LSAMP: variants seen among roughly 807,000 people sequenced by gnomAD.
The protein encoded by LSAMP is limbic system associated membrane protein, also known as limbic system-associated membrane protein.
A neutral mutation model predicts 38.6 loss-of-function variants in LSAMP; 7 were observed. The observed-to-expected ratio is 0.18, with a 90% CI of 0.10 to 0.34. The LOEUF (loss-of-function observed/expected upper bound fraction) is 0.34. LSAMP is among the 10% of genes least tolerant of loss of function. The pLI, the probability that LSAMP is intolerant of heterozygous loss-of-function variation, is 1.00. For synonymous variants in LSAMP, 154 were observed against 166.8 expected (o/e 0.92, Z 0.59); for missense variants, 313 against 420.0 (o/e 0.75, Z 2.23).
intron 3 of LSAMP, among the ~76,000 whole-genome samples, chr3:115,957,348 T>G (rs1366969848): frequency 6.6e-6 from 1 of 152,204 alleles, no homozygotes. Context: ...TCGGAAACTC[T>G]TATAAGCACG....
At chr3:116,226,793 T>G (rs2046346885) in intron 1 of LSAMP, among the ~76,000 whole-genome samples, 1 of 152,146 alleles carries the variant, frequency 6.6e-6, no homozygotes, top group Admixed American at 6.5e-5. Flanking sequence ...TAACAGGAAG[T>G]CTACCTCTTC....
intron 1 of LSAMP, among the ~76,000 whole-genome samples, chr3:116,376,452 A>T (rs2048494359): frequency 6.6e-6 from 1 of 152,052 alleles, no homozygotes; most frequent in Non-Finnish European, 1.5e-5. Context: ...TTATATCAGG[A>T]GATTGCAGTG....
chr3:116,186,630 G>A (rs1710624735), intron 1 of LSAMP, among the ~76,000 whole-genome samples: 1 of 152,102 alleles, frequency 6.6e-6, no homozygotes, highest in African/African-American at 2.4e-5. Context: ...AGAAAACCAA[G>A]CTTCAAGGAC....
rs868840149 is a variant in LSAMP at position 116,314,193 on chromosome 3, C to T, written c.155+130684G>A. On this transcript the variant is annotated intron_variant, in intron 1 of 6. Transcript: ENST00000490035. ...CCCAATGTATTTAAGAACTCAGGCTCCAGAAATAGATTGAGTCCAACATCT... is the reference window on the plus strand; with the variant it reads ...CCCAATGTATTTAAGAACTCAGGCTTCAGAAATAGATTGAGTCCAACATCT... 3.3e-5 allele frequency among the ~76,000 whole-genome samples: 5 copies of T among 152,142 alleles called. No individual in the cohort carries two copies. The East Asian group carries it at 7.7e-4, about 23-fold the overall frequency.
intron 1 of LSAMP, among the ~76,000 whole-genome samples, chr3:116,256,007 C>T (rs997559013): frequency 3.9e-5 from 6 of 152,018 alleles, no homozygotes; most frequent in Non-Finnish European, 1.5e-5. Context: ...TTTCCTTTTC[C>T]TTGCTGATCC....
intron 3 of LSAMP, among the ~76,000 whole-genome samples, chr3:115,899,260 C>T (rs1936809285): frequency 6.6e-6 from 1 of 152,042 alleles, no homozygotes; most frequent in South Asian, 2.1e-4. Flanking sequence ...AGGTACAAAG[C>T]ATGTGTCTCT....
intron 1 of LSAMP, among the ~76,000 whole-genome samples, chr3:116,139,315 T>G (rs774139472): frequency 2.0e-5 from 3 of 151,968 alleles, no homozygotes; most frequent in Non-Finnish European, 4.4e-5. Context: ...TCAGAAGCTT[T>G]TAAGACCACA....
Position 116,105,938 on chromosome 3 carries a change from C to G in LSAMP, c.156-19382G>C, listed in dbSNP as rs4404443. ...GCGGGATTAGGGGCGGCGTGGGAACCTAGAGTGGGAGAGATTAAGCTGAAG... is the reference window on the plus strand; with the variant it reads ...GCGGGATTAGGGGCGGCGTGGGAACGTAGAGTGGGAGAGATTAAGCTGAAG... On this transcript the variant is annotated intron_variant, in intron 1 of 6. Transcript: ENST00000490035. Among the ~76,000 whole-genome samples, 1,512 of 151,308 alleles carry G rather than the reference C, an allele frequency of 1.0e-2. 19 individuals are homozygous for G. Among genetic ancestry groups the G allele is most frequent in the African/African-American group, 0.033 (1,360 of 40,988 alleles).
intron 1 of LSAMP, among the ~76,000 whole-genome samples, chr3:116,237,049 A>G (rs2046473671): frequency 6.6e-6 from 1 of 152,018 alleles, no homozygotes; most frequent in South Asian, 2.1e-4. Context: ...TTTGTAAGGT[A>G]AAATTGAAGA....
chr3:116,409,132 G>A (rs1320062110), intron 1 of LSAMP, among the ~76,000 whole-genome samples: 2 of 151,896 alleles, frequency 1.3e-5, no homozygotes, highest in African/African-American at 2.4e-5. Context: ...AATGAGAGAG[G>A]GTTATCATTG....
At chr3:116,397,631 T>C (rs183099988) in intron 1 of LSAMP, among the ~76,000 whole-genome samples, 1 of 152,162 alleles carries the variant, frequency 6.6e-6, no homozygotes, top group Admixed American at 6.5e-5. Context: ...TGCTCAATAA[T>C]TATTTCAACG....
At chr3:116,395,752 A>G (rs1438307032) in intron 1 of LSAMP, among the ~76,000 whole-genome samples, 1 of 152,086 alleles carries the variant, frequency 6.6e-6, no homozygotes, top group African/African-American at 2.4e-5. Context: ...AAGTATTTCA[A>G]CCTCTTTGGT....
At chr3:116,169,806 A>C (rs996750534) in intron 1 of LSAMP, among the ~76,000 whole-genome samples, 2 of 152,126 alleles carry the variant, frequency 1.3e-5, no homozygotes, top group Admixed American at 6.6e-5. Flanking sequence ...TTTTCTCGCC[A>C]CTCATGCTGT....
At chr3:115,972,983 C>A (rs965847662) in intron 3 of LSAMP, among the ~76,000 whole-genome samples, 1 of 151,610 alleles carries the variant, frequency 6.6e-6, no homozygotes, top group African/African-American at 2.4e-5. Flanking sequence ...ACATTACTGG[C>A]AAAAACAGTG....
At chr3:115,873,904 G>A (rs1936113494) in intron 3 of LSAMP, among the ~76,000 whole-genome samples, 2 of 152,036 alleles carry the variant, frequency 1.3e-5, no homozygotes, top group Non-Finnish European at 2.9e-5. Context: ...ATCACCCCAG[G>A]ATTTGACCTT....
intron 1 of LSAMP, among the ~76,000 whole-genome samples, chr3:116,378,933 G>A (rs185456286): frequency 6.6e-5 from 10 of 150,992 alleles, no homozygotes; most frequent in Admixed American, 4.6e-4. Context: ...CAGAAGTAAT[G>A]CATGTCCCAG....
At chr3:115,870,573 TCTAGG>T (rs1936004462) in intron 3 of LSAMP, among the ~76,000 whole-genome samples, 1 of 152,168 alleles carries the variant, frequency 6.6e-6, no homozygotes, top group Non-Finnish European at 1.5e-5. Flanking sequence ...ATCCATTATG[TCTAGG>T]GCAAGCCCCA....
intron 1 of LSAMP, among the ~76,000 whole-genome samples, chr3:116,203,659 T>C (rs2046023172): frequency 6.6e-6 from 1 of 151,238 alleles, no homozygotes; most frequent in Non-Finnish European, 1.5e-5. Flanking sequence ...GTTTGGTTTT[T>C]TTGTTCTTGC....
intron 1 of LSAMP, among the ~76,000 whole-genome samples, chr3:116,155,836 T>C (rs1709734898): frequency 6.6e-6 from 1 of 152,176 alleles, no homozygotes; most frequent in Non-Finnish European, 1.5e-5. Context: ...TTGTGTCATA[T>C]GTTTATCTGC....
Sources: gnomAD v4.1 joint callset for allele counts (sites outside exome capture counted in the v4.1 genomes callset) on GRCh38, gnomAD v4.1.1 for gene constraint, MANE v1.5 for transcripts, NCBI Gene and HGNC (gene_info 2026-07-23, HGNC 2026-07-21) for gene names.